Variants in SEC24B observed in about 807,000 individuals in gnomAD.
The protein encoded by SEC24B is protein transport protein Sec24B.
In SEC24B, 45 loss-of-function variants were observed where a neutral mutation model predicts 142.8. The ratio of observed to expected loss-of-function variants is 0.32; its 90% CI spans 0.25 to 0.40. The LOEUF (loss-of-function observed/expected upper bound fraction) is 0.40. SEC24B is among the 10% of genes least tolerant of loss of function. The pLI is 1.00. For synonymous variants in SEC24B, 574 were observed against 568.2 expected, an observed-to-expected ratio of 1.01 and a Z score of -0.15; for missense variants, 1,409 against 1,526.8, an observed-to-expected ratio of 0.92 and a Z score of 1.29.
intron 1 of SEC24B, among the ~76,000 whole-genome samples, chr4:109,456,580 A>C (rs1464945416): frequency 6.6e-6 from 1 of 152,074 alleles, no homozygotes; most frequent in Non-Finnish European, 1.5e-5. Context: ...TTCTCTTCCT[A>C]GTTTATTGAG....
intron 1 of SEC24B, among the ~76,000 whole-genome samples, chr4:109,446,916 T>C (rs1301338452): frequency 3.9e-5 from 6 of 152,216 alleles, no homozygotes; most frequent in African/African-American, 1.4e-4. Flanking sequence ...GGGGATAGGA[T>C]AGAGCTAAGA....
chr4:109,463,360 A>G lies in SEC24B; in HGVS notation c.593A>G (p.Tyr198Cys), dbSNP rs370513339. 32 of 1,614,050 alleles carry G rather than the reference A, an allele frequency of 2.0e-5. No homozygotes were observed. Among genetic ancestry groups the G allele is most frequent in the Admixed American group, 3.3e-5 (2 of 59,994 alleles). Residue 198 changes from tyrosine to cysteine, a missense_variant, in exon 2 of 24, where the codon TAT becomes TGT. Physicochemically the swap from Tyr to Cys is radical, Grantham distance 194 (BLOSUM62 -2). Transcript: ENST00000265175. ...AATGCCGCGTATCCTAGTGTTTCAT[A>G]TCCCTCTCTGCCTGCTGGTGATACA... is the stretch of plus-strand genomic sequence containing the variant. ...VSNAAYPSVS[Y>C]PSLPAGDTYG...
At chr4:109,512,971 CTTT>C (rs60804973) in intron 9 of SEC24B, among the ~76,000 whole-genome samples, 28,518 of 102,996 alleles carry the variant, frequency 0.28, 5,303 homozygotes, top group African/African-American at 0.62. Context: ...TAAGCCTGAT[CTTT>C]TTTTTTTTTT....
chr4:109,533,725 A>T, intron 22 of SEC24B, 40 bp downstream of exon 22: 3 of 1,051,960 alleles, frequency 2.9e-6, no homozygotes, highest in Non-Finnish European at 4.2e-6. Flanking sequence ...TTGTTTGCTC[A>T]TTTTTTTTTA....
chr4:109,510,138 G>A, intron 8 of SEC24B, 27 bp downstream of exon 8: 1 of 1,323,204 alleles, frequency 7.6e-7, no homozygotes, highest in South Asian at 1.3e-5. Flanking sequence ...TAATATTTAT[G>A]GGTACTGACA....
chr4:109,524,742 C>A, intron 14 of SEC24B, 76 bp from the exon 15 acceptor site: 1 of 1,402,690 alleles, frequency 7.1e-7, no homozygotes, highest in Non-Finnish European at 9.7e-7. Flanking sequence ...CAGAGGATAT[C>A]CTTTTTGTTA....
intron 12 of SEC24B, among the ~76,000 whole-genome samples, chr4:109,520,875 C>G (rs1723530746): frequency 6.6e-6 from 1 of 152,112 alleles, no homozygotes; most frequent in African/African-American, 2.4e-5. Flanking sequence ...GCCTGTAATC[C>G]CAGCTACTCA....
chr4:109,521,371 T>G (rs1222906081), intron 13 of SEC24B, 49 bp from the exon 14 acceptor site: 1 of 1,475,590 alleles, frequency 6.8e-7, no homozygotes, highest in African/African-American at 1.4e-5. Context: ...AAAATAAGAT[T>G]ATTCCTTTGC....
chr4:109,518,007 G>T (rs1723158693), intron 11 of SEC24B, among the ~76,000 whole-genome samples: 2 of 151,658 alleles, frequency 1.3e-5, no homozygotes, highest in Admixed American at 6.6e-5. Context: ...TCGCTCTGTT[G>T]CCCAGGCTGG....
chr4:109,436,310 A>AT (rs1372347724), intron 1 of SEC24B, among the ~76,000 whole-genome samples: 1 of 152,140 alleles, frequency 6.6e-6, no homozygotes, highest in Non-Finnish European at 1.5e-5. Flanking sequence ...GCTACGTGGT[A>AT]TCAGCATGTA....
Position 109,524,852 on chromosome 4 carries a change from A to T in SEC24B, c.2543A>T (p.Tyr848Phe). The T allele has an allele frequency of 6.2e-7, 1 of 1,612,422 alleles. No individual in the cohort carries two copies. Among genetic ancestry groups the T allele is most frequent in the Non-Finnish European group, 8.5e-7 (1 of 1,179,144 alleles). ...CATCTTGGCCCTGCAACTGATTTTT[A>T]TAAGAAACTTGCATTAGATTGCTCG... ...VQHLGPATDFYKKLALDCSGQ... is the reference protein window; with the variant it reads ...VQHLGPATDFFKKLALDCSGQ... The change falls in exon 15 of 24, where the codon TAT (tyrosine) becomes TTT (phenylalanine). Residue 848 changes from tyrosine (Y) to phenylalanine (F), a missense_variant. Tyr to Phe is a conservative substitution (Grantham distance 22). Transcript: ENST00000265175.
rs1386872316 is a variant in SEC24B at position 109,474,574 on chromosome 4, G to A, written c.1060+1388G>A. ...TGGGTAGCTGGGATTACAGGCGCACGCCACCTCGCCCTGCTAATTTTTGTA... is the reference window on the plus strand; with the variant it reads ...TGGGTAGCTGGGATTACAGGCGCACACCACCTCGCCCTGCTAATTTTTGTA... On this transcript the variant is annotated intron_variant, in intron 3 of 23. Transcript: ENST00000265175. Among the ~76,000 whole-genome samples, 6 of 152,060 alleles carry A rather than the reference G, an allele frequency of 3.9e-5. 1 individual carries two copies. Among genetic ancestry groups the A allele is most frequent in the African/African-American group, 2.4e-5 (1 of 41,510 alleles).
rs1728089473 is a variant in SEC24B, at chr4:109,433,829, C to T, written c.-41C>T. On this transcript the variant is annotated 5_prime_UTR_variant, in exon 1 of 24. Transcript: ENST00000265175. ...GGCCCCGCCTTCCCTTCCCTCCGCC[C>T]ACCTCCCTGAAGCGGAGCCGCCGTC... is the stretch of plus-strand genomic sequence containing the variant. The T allele has an allele frequency of 8.0e-7, 1 of 1,250,284 alleles. No homozygotes were observed. Among genetic ancestry groups the T allele is most frequent in the Non-Finnish European group, 1.0e-6 (1 of 995,514 alleles). The allele number at this position is 1,250,284 out of a possible 1,614,324, so 77.4% of individuals were successfully genotyped here.
In SEC24B at chr4:109,538,658, G is replaced by A; in HGVS notation, c.3692+62G>A. ...TCCTATGTAGTCTGTGGAATTGCTT[G>A]TCTTCAAAGCAAACTTTAAATAGTA... On this transcript the variant is annotated intron_variant, in intron 23 of 23. Transcript: ENST00000265175. 3 of 1,007,276 alleles carry A rather than the reference G, an allele frequency of 3.0e-6. No individual in the cohort carries two copies. In the East Asian group the frequency reaches 7.3e-5, roughly 25 times the overall value. The allele number at this position is 1,007,276 out of a possible 1,614,324, so 62.4% of individuals were successfully genotyped here. A position where few individuals can be genotyped will look rare whatever the true frequency, so the allele number is the denominator to read the frequency against.
chr4:109,435,237 C>T (rs1728295201), intron 1 of SEC24B, among the ~76,000 whole-genome samples: 1 of 152,208 alleles, frequency 6.6e-6, no homozygotes, highest in Non-Finnish European at 1.5e-5. Flanking sequence ...TTCTTTGGAT[C>T]AGCCTTACCT....
chr4:109,473,511 A>G (rs1732752096), intron 3 of SEC24B, among the ~76,000 whole-genome samples: 1 of 152,056 alleles, frequency 6.6e-6, no homozygotes. Flanking sequence ...TTCTTTTAGG[A>G]TAGAGAAGCC....
At chr4:109,522,195 C>T (rs28527792) in intron 14 of SEC24B, among the ~76,000 whole-genome samples, 7,398 of 151,856 alleles carry the variant, frequency 0.049, 200 homozygotes, top group African/African-American at 0.076. Context: ...GGACTACAGG[C>T]GCCTGCCACC....
intron 4 of SEC24B, among the ~76,000 whole-genome samples, chr4:109,487,852 CAAAAT>C (rs140230265): frequency 0.017 from 2,621 of 151,858 alleles, 35 homozygotes; most frequent in Non-Finnish European, 0.026. Flanking sequence ...ATTCAGTAAA[CAAAAT>C]AGAATAAAAA....
intron 1 of SEC24B, 65 bp downstream of exon 1, chr4:109,434,067 TCGGGGCGGGGCGGGC>T: frequency 1.0e-6 from 1 of 993,066 alleles, no homozygotes; most frequent in Non-Finnish European, 1.2e-6. Flanking sequence ...CACGGCCACA[TCGGGGCGGGGCGGGC>T]CGGGCCGGGA....
Sources: gnomAD v4.1 joint callset for allele counts (sites outside exome capture counted in the v4.1 genomes callset) on GRCh38, gnomAD v4.1.1 for gene constraint, MANE v1.5 for transcripts, NCBI Gene and HGNC (gene_info 2026-07-23, HGNC 2026-07-21) for gene names.